Variants in HSF5 observed in about 807,000 individuals in gnomAD.
HSF5 encodes heat shock factor protein 5.
In HSF5, 5 loss-of-function variants were observed where a neutral mutation model predicts 50.8. The ratio of observed to expected loss-of-function variants is 0.10; its 90% CI spans 0.05 to 0.21. HSF5 has a LOEUF of 0.21. Ranked by LOEUF, HSF5 falls within the 10% of genes least tolerant of loss-of-function variation. The probability of loss-of-function intolerance (pLI) is 1.00; values close to 1 mark genes in which losing one functional copy is unlikely to be tolerated. For missense variants in HSF5, 564 were observed against 762.6 expected, an observed-to-expected ratio of 0.74 and a Z score of 3.07; for synonymous variants, 307 against 307.4, an observed-to-expected ratio of 1.00 and a Z score of 0.02.
intron 2 of HSF5, chr17:58,476,072 T>C: frequency 1.9e-6 from 1 of 539,400 alleles, no homozygotes; most frequent in Non-Finnish European, 3.1e-6. Flanking sequence ...TGCAACTTGC[T>C]CCCAAGGACT....
chr17:58,440,654 A>T (rs1374953109), intron 5 of HSF5, among the ~76,000 whole-genome samples: 1 of 152,244 alleles, frequency 6.6e-6, no homozygotes, highest in Non-Finnish European at 1.5e-5. Context: ...TGGAAACTCC[A>T]TATACTGGAA....
intron 2 of HSF5, among the ~76,000 whole-genome samples, chr17:58,478,407 G>T (rs1045936983): frequency 3.4e-5 from 5 of 148,606 alleles, no homozygotes; most frequent in African/African-American, 1.2e-4. Flanking sequence ...AACCAAGGAG[G>T]TGGAGGTTGC....
intron 2 of HSF5, among the ~76,000 whole-genome samples, chr17:58,473,112 T>C (rs1974971229): frequency 6.6e-6 from 1 of 152,164 alleles, no homozygotes; most frequent in Admixed American, 6.5e-5. Context: ...TCTGGATTTG[T>C]TTCCAAGCCC....
intron 4 of HSF5, among the ~76,000 whole-genome samples, chr17:58,461,889 T>C (rs1052795446): frequency 2.0e-5 from 3 of 152,146 alleles, no homozygotes; most frequent in Non-Finnish European, 2.9e-5. Context: ...AATTTCTTTT[T>C]AATTTGGATT....
chr17:58,459,512 T>C (rs1974760557), intron 4 of HSF5, among the ~76,000 whole-genome samples: 1 of 151,930 alleles, frequency 6.6e-6, no homozygotes, highest in Non-Finnish European at 1.5e-5. Context: ...CCGGGCGTGG[T>C]AGCAGGTGCC....
intron 3 of HSF5, among the ~76,000 whole-genome samples, chr17:58,463,627 T>C (rs1974824940): frequency 6.6e-6 from 1 of 152,196 alleles, no homozygotes; most frequent in African/African-American, 2.4e-5. Flanking sequence ...CACCAAATTC[T>C]TCCATAAAGG....
chr17:58,465,972 C>T (rs1974860467), intron 3 of HSF5, among the ~76,000 whole-genome samples: 2 of 152,070 alleles, frequency 1.3e-5, no homozygotes, highest in Admixed American at 1.3e-4. Context: ...GTGGAAAATT[C>T]CAGCAGAAAA....
intron 2 of HSF5, among the ~76,000 whole-genome samples, chr17:58,470,146 G>C (rs1974923882): frequency 6.6e-6 from 1 of 152,182 alleles, no homozygotes; most frequent in Non-Finnish European, 1.5e-5. Flanking sequence ...CATTTATGGT[G>C]AGGTAAAGAA....
intron 5 of HSF5, among the ~76,000 whole-genome samples, chr17:58,456,764 A>G (rs904119098): frequency 6.6e-6 from 1 of 152,254 alleles, no homozygotes; most frequent in Non-Finnish European, 1.5e-5. Flanking sequence ...ACAATAAAAA[A>G]TTAAAAGGAA....
At chr17:58,478,659 C>T (rs1480175082) in intron 2 of HSF5, among the ~76,000 whole-genome samples, 2 of 150,936 alleles carry the variant, frequency 1.3e-5, no homozygotes, top group South Asian at 2.1e-4. Context: ...GTCAGGAGTT[C>T]GAGACCAGCC....
intron 5 of HSF5, among the ~76,000 whole-genome samples, chr17:58,439,477 T>C (rs1181670878): frequency 6.6e-6 from 1 of 152,024 alleles, no homozygotes; most frequent in Non-Finnish European, 1.5e-5. Flanking sequence ...AAAGAGCTGT[T>C]AGAAGTTATA....
intron 5 of HSF5, among the ~76,000 whole-genome samples, chr17:58,446,462 C>T (rs571500823): frequency 6.6e-6 from 1 of 152,160 alleles, no homozygotes; most frequent in Non-Finnish European, 1.5e-5. Context: ...GAACTTAGTA[C>T]TGGTGCCATC....
At chr17:58,461,812 G>A (rs1035973277) in intron 4 of HSF5, among the ~76,000 whole-genome samples, 1 of 152,196 alleles carries the variant, frequency 6.6e-6, no homozygotes, top group African/African-American at 2.4e-5. Context: ...GGAGGCTGCA[G>A]TGAGCTGAGA....
intron 1 of HSF5, among the ~76,000 whole-genome samples, chr17:58,481,731 G>A (rs979185307): frequency 2.0e-5 from 3 of 152,230 alleles, no homozygotes; most frequent in Admixed American, 1.3e-4. Flanking sequence ...CAGCCACGGT[G>A]GCTCATGCCT....
At chr17:58,485,823 T>C (rs939567554) in intron 1 of HSF5, among the ~76,000 whole-genome samples, 2 of 151,476 alleles carry the variant, frequency 1.3e-5, no homozygotes, top group African/African-American at 4.9e-5. Flanking sequence ...TCCCAGCACA[T>C]TGGGAGGCCA....
At chr17:58,483,791 G>A (rs143849076) in intron 1 of HSF5, among the ~76,000 whole-genome samples, 2 of 152,334 alleles carry the variant, frequency 1.3e-5, no homozygotes, top group African/African-American at 4.8e-5. Context: ...CTCTTGGAAG[G>A]TGAACAGTGC....
chr17:58,461,384 A>C (rs1322236641), intron 4 of HSF5, among the ~76,000 whole-genome samples: 1 of 152,156 alleles, frequency 6.6e-6, no homozygotes, highest in Non-Finnish European at 1.5e-5. Flanking sequence ...TTTGGATCTA[A>C]AAATAGAGCT....
chr17:58,438,660 A>C (rs1338333199), intron 5 of HSF5, among the ~76,000 whole-genome samples: 1 of 152,128 alleles, frequency 6.6e-6, no homozygotes, highest in East Asian at 1.9e-4. Context: ...CACATTCAGC[A>C]AAGCCCTAAA....
At chr17:58,440,487 T>G (rs778178527) in intron 5 of HSF5, among the ~76,000 whole-genome samples, 1 of 152,156 alleles carries the variant, frequency 6.6e-6, no homozygotes, top group Admixed American at 6.5e-5. Flanking sequence ...TTGAGGAAGA[T>G]AATGTCATCC....
Sources: allele counts gnomAD v4.1 joint callset (sites outside exome capture counted in the v4.1 genomes callset), GRCh38; gene constraint gnomAD v4.1.1; transcripts MANE v1.5; gene names NCBI Gene and HGNC (gene_info 2026-07-23, HGNC 2026-07-21).